SREBF2: variants seen among roughly 807,000 people sequenced by gnomAD.
SREBF2 encodes the protein sterol regulatory element-binding protein 2.
In SREBF2, 55 loss-of-function variants were observed where a neutral mutation model predicts 113.1. The observed-to-expected ratio is 0.49, with a 90% CI of 0.39 to 0.61. The LOEUF is 0.61. Ranked by LOEUF, SREBF2 falls within the 20% of genes least tolerant of loss-of-function variation. The pLI, the probability that SREBF2 is intolerant of heterozygous loss-of-function variation, is 0.00. For missense variants in SREBF2, 1,349 were observed against 1,487.4 expected (o/e 0.91, Z 1.53); for synonymous variants, 593 against 605.7 (o/e 0.98, Z 0.31).
intron 1 of SREBF2, chr22:41,834,504 T>C (rs901015780): frequency 6.5e-6 from 1 of 152,708 alleles, no homozygotes; most frequent in African/African-American, 2.4e-5. Flanking sequence ...AATGCTTTCA[T>C]GTCCAGGATC....
intron 2 of SREBF2, 76 bp from the exon 3 acceptor site, chr22:41,868,535 C>T (rs937098782): frequency 6.6e-7 from 1 of 1,510,722 alleles, no homozygotes; most frequent in South Asian, 1.1e-5. Context: ...GATACTCCAT[C>T]CTCAGGTTTC....
intron 3 of SREBF2, among the ~76,000 whole-genome samples, chr22:41,870,457 C>T (rs1333390312): frequency 6.6e-6 from 1 of 151,990 alleles, no homozygotes; most frequent in South Asian, 2.1e-4. Context: ...AACCCTGTCT[C>T]TACAAAAAAA....
chr22:41,876,364 G>A (rs1334247527), intron 7 of SREBF2, among the ~76,000 whole-genome samples: 1 of 152,106 alleles, frequency 6.6e-6, no homozygotes, highest in Non-Finnish European at 1.5e-5. Flanking sequence ...GCTGTTTATT[G>A]TATCATATAC....
At chr22:41,873,066 G>T (rs1193760233) in intron 4 of SREBF2, among the ~76,000 whole-genome samples, 1 of 152,002 alleles carries the variant, frequency 6.6e-6, no homozygotes, top group Non-Finnish European at 1.5e-5. Flanking sequence ...GCATGGTGGC[G>T]CATGCCTGTA....
At chr22:41,867,516 C>T (rs375640663) in intron 2 of SREBF2, among the ~76,000 whole-genome samples, 2 of 152,152 alleles carry the variant, frequency 1.3e-5, no homozygotes, top group African/African-American at 4.8e-5. Context: ...GTTAAAAAAT[C>T]CAGCAAGCGG....
chr22:41,879,688 A>G (rs1052776354), intron 9 of SREBF2, among the ~76,000 whole-genome samples: 1 of 152,228 alleles, frequency 6.6e-6, no homozygotes, highest in African/African-American at 2.4e-5. Context: ...TGTGGGAAAC[A>G]AAGCACAGAT....
chr22:41,859,140 T>TG (rs1284964770), intron 1 of SREBF2, among the ~76,000 whole-genome samples: 1 of 144,444 alleles, frequency 6.9e-6, no homozygotes, highest in Admixed American at 6.9e-5. Flanking sequence ...AAAAAAAAAG[T>TG]GGGGGGACCT....
rs756883935 is a variant in SREBF2, at chr22:41,898,762, A to G, written c.2719A>G (p.Lys907Glu). Reference protein sequence around the residue: ...SHFTKVERIPKALEVTESPLV... With the variant: ...SHFTKVERIPEALEVTESPLV... ...TTTTACCAAAGTGGAACGCATCCCC[A>G]AGGCCCTGGAAGTGACAGAGTGCGT... The change falls in exon 15 of 19, where the codon AAG becomes GAG. Residue 907 changes from lysine (K) to glutamate (E), a missense_variant. This residue lies in a region of SREBF2 where 650 missense variants were observed against 644.1 expected (regional missense o/e 1.01). Coordinates refer to ENST00000361204, the MANE Select transcript of SREBF2 (RefSeq NM_004599.4). The G allele has an allele frequency of 2.5e-6, 4 of 1,613,796 alleles. No individual in the cohort carries two copies. The highest frequency in any genetic ancestry group is 2.2e-5 in the East Asian group (1 of 44,892).
At chr22:41,889,115 A>G (rs921769883) in intron 11 of SREBF2, among the ~76,000 whole-genome samples, 2 of 152,144 alleles carry the variant, frequency 1.3e-5, no homozygotes, top group Non-Finnish European at 2.9e-5. Context: ...GCCAAAAGAA[A>G]TACCTAACGG....
intron 3 of SREBF2, among the ~76,000 whole-genome samples, chr22:41,869,485 T>C (rs1179993656): frequency 7.8e-6 from 1 of 128,738 alleles, no homozygotes; most frequent in African/African-American, 3.5e-5. Flanking sequence ...TAATCTTTTT[T>C]TTAATTTTTT....
In SREBF2 at chr22:41,897,089, C is replaced by T; in HGVS notation, c.2533C>T (p.His845Tyr). 1 of 1,613,266 alleles carries T rather than the reference C, an allele frequency of 6.2e-7. No individual in the cohort carries two copies. Among genetic ancestry groups the T allele is most frequent in the Admixed American group, 1.7e-5 (1 of 60,000 alleles). The change falls in exon 14 of 19, where the codon CAT becomes TAT. Residue 845 changes from histidine (H) to tyrosine (Y), a missense_variant. This residue lies in a region of SREBF2 where 650 missense variants were observed against 644.1 expected (regional missense o/e 1.01). Coordinates refer to ENST00000361204, the MANE Select transcript of SREBF2 (RefSeq NM_004599.4). ...SSALEYLKLL[H>Y]SFVDSVGVMS... is the part of the protein sequence containing the mutation. ...TGCTCTGGAGTACTTGAAATTACTT[C>T]ATTCTTTTGTGGACTCTGTGGGGGT...
chr22:41,862,027 G>A lies in SREBF2; in HGVS notation c.89-4804G>A, dbSNP rs1273579126. ...ACTAGGTTTCCCAGCCCCTAATAGG[G>A]CTGGGTAACAAATACCTGTTAAAGG... On this transcript the variant is annotated intron_variant, in intron 1 of 18. Coordinates refer to ENST00000361204, the MANE Select transcript of SREBF2 (RefSeq NM_004599.4). 2.4e-3 allele frequency among the ~76,000 whole-genome samples: 367 copies of A among 152,254 alleles called. 4 individuals carry two copies. Among genetic ancestry groups the A allele is most frequent in the African/African-American group, 8.2e-3 (342 of 41,544 alleles).
At chr22:41,847,959 A>T (rs1182059662) in intron 1 of SREBF2, among the ~76,000 whole-genome samples, 1 of 146,478 alleles carries the variant, frequency 6.8e-6, no homozygotes, top group East Asian at 2.0e-4. Flanking sequence ...TCTGTCGCCC[A>T]GGCTGGAGTG....
At chr22:41,904,639 CCTCT>C (rs892932678) in intron 17 of SREBF2, 40 of 699,270 alleles carry the variant, frequency 5.7e-5, no homozygotes, top group Middle Eastern at 4.6e-4. Context: ...AGGCCTTTTG[CCTCT>C]CTCTCCTCTC....
chr22:41,881,048 C>T, intron 10 of SREBF2, 56 bp downstream of exon 10: 2 of 1,585,294 alleles, frequency 1.3e-6, no homozygotes, highest in Non-Finnish European at 1.7e-6. Context: ...TGCTACCTCT[C>T]CTCCTTAGCT....
chr22:41,904,831 G>C, intron 17 of SREBF2, 32 bp from the exon 18 acceptor site: 1 of 1,521,496 alleles, frequency 6.6e-7, no homozygotes, highest in Non-Finnish European at 8.9e-7. Flanking sequence ...GGGACCAGGG[G>C]TGTGATGGAT....
At chr22:41,893,345 A>G (rs2077382354) in intron 12 of SREBF2, 60 bp downstream of exon 12, 1 of 1,571,232 alleles carries the variant, frequency 6.4e-7, no homozygotes, top group Non-Finnish European at 8.8e-7. Context: ...CCGGTACTAC[A>G]GAGTCACTGC....
chr22:41,851,888 AG>A (rs1278119750), intron 1 of SREBF2, among the ~76,000 whole-genome samples: 2 of 151,840 alleles, frequency 1.3e-5, no homozygotes, highest in South Asian at 2.1e-4. Context: ...TGTGGGGCCA[AG>A]GGGGGTGGAT....
chr22:41,852,095 T>A (rs1439906650), intron 1 of SREBF2, among the ~76,000 whole-genome samples: 1 of 151,802 alleles, frequency 6.6e-6, no homozygotes, highest in Non-Finnish European at 1.5e-5. Flanking sequence ...CACTCCAGCC[T>A]GGGCGATAGA....
Sources: gnomAD v4.1 joint callset for allele counts (sites outside exome capture counted in the v4.1 genomes callset) on GRCh38, gnomAD v4.1.1 for gene constraint, gnomAD v4.1.1 regional missense constraint, MANE v1.5 for transcripts, NCBI Gene and HGNC (gene_info 2026-07-23, HGNC 2026-07-21) for gene names.